The following NNMT variants were observed in gnomAD, a reference collection of about 807,000 sequenced individuals.
The protein encoded by NNMT is nicotinamide N-methyltransferase.
A neutral mutation model predicts 11.7 loss-of-function variants in NNMT; 10 were observed. That is an observed-to-expected ratio of 0.85 (90% CI 0.53 to 1.45). The LOEUF (loss-of-function observed/expected upper bound fraction) is 1.45. Among genes scored for constraint, NNMT ranks in the 40% most tolerant of loss-of-function variants. The pLI, the probability that NNMT is intolerant of heterozygous loss-of-function variation, is 0.00. For synonymous variants in NNMT, 143 were observed against 133.8 expected (o/e 1.07, Z -0.48); for missense variants, 381 against 319.4 (o/e 1.19, Z -1.47).
intron 2 of NNMT, among the ~76,000 whole-genome samples, chr11:114,275,324 A>G (rs753977063): frequency 6.6e-6 from 1 of 152,208 alleles, no homozygotes; most frequent in Non-Finnish European, 1.5e-5. Context: ...GATGTCCTCA[A>G]CAACATCTAC....
At chr11:114,282,609 G>A (rs532416625) in intron 2 of NNMT, among the ~76,000 whole-genome samples, 68 of 152,240 alleles carry the variant, frequency 4.5e-4, no homozygotes, top group Admixed American at 1.5e-3. Flanking sequence ...ATGGAATTCT[G>A]ACCCAAAGAA....
chr11:114,270,626 A>G (rs6589419), intron 2 of NNMT: 56,143 of 152,002 alleles, frequency 0.37, 12,793 homozygotes, highest in African/African-American at 0.65. Flanking sequence ...GTTAGTTTCT[A>G]GTGAGGTCTC....
intron 2 of NNMT, among the ~76,000 whole-genome samples, chr11:114,266,423 T>C (rs1288896047): frequency 6.6e-6 from 1 of 152,140 alleles, no homozygotes; most frequent in Non-Finnish European, 1.5e-5. Flanking sequence ...CTGACCGTCT[T>C]CTTCCACTCT....
At chr11:114,266,164 G>C (rs544715147) in intron 2 of NNMT, among the ~76,000 whole-genome samples, 6 of 152,058 alleles carry the variant, frequency 3.9e-5, no homozygotes, top group Non-Finnish European at 8.8e-5. Flanking sequence ...TCTCTTCATA[G>C]TAATATCTTG....
chr11:114,258,597 C>T (rs1459473639), intron 1 of NNMT, among the ~76,000 whole-genome samples: 1 of 152,252 alleles, frequency 6.6e-6, no homozygotes, highest in Non-Finnish European at 1.5e-5. Context: ...CTGTCACTTC[C>T]ATCCTCTGCT....
In NNMT at chr11:114,284,160, A is replaced by G. The variant is rs370173640; in HGVS notation, c.-129-12268A>G. Among the ~76,000 whole-genome samples the G allele has an allele frequency of 2.0e-4, 30 of 152,352 alleles. No homozygotes were observed. In the East Asian group the frequency reaches 2.9e-3, roughly 15 times the overall value. On this transcript the variant is annotated intron_variant, in intron 2 of 4. Transcript: ENST00000535401. ...GCCACTCAGGTTTTCAGCTTTTGCC[A>G]GCAGGATATTAGGGAGGCTCCACCC... is the stretch of plus-strand genomic sequence containing the variant.
chr11:114,274,655 G>A (rs1344309553), intron 2 of NNMT, among the ~76,000 whole-genome samples: 1 of 152,232 alleles, frequency 6.6e-6, no homozygotes, highest in Non-Finnish European at 1.5e-5. Flanking sequence ...AAGGAAGAGT[G>A]AGTTCTATAA....
chr11:114,293,090 A>T (rs1285659184), upstream of NNMT, among the ~76,000 whole-genome samples: 1 of 152,186 alleles, frequency 6.6e-6, no homozygotes, highest in Non-Finnish European at 1.5e-5. Flanking sequence ...CAGGATAACA[A>T]CTTACATCTT....
intron 2 of NNMT, among the ~76,000 whole-genome samples, chr11:114,307,845 C>T (rs186389692): frequency 1.2e-4 from 19 of 152,012 alleles, no homozygotes; most frequent in Admixed American, 1.2e-3. Flanking sequence ...TCTCTGCTTG[C>T]CCGACTCCTT....
chr11:114,294,768 A>T (rs1945360272), upstream of NNMT, among the ~76,000 whole-genome samples: 1 of 151,856 alleles, frequency 6.6e-6, no homozygotes, highest in Admixed American at 6.6e-5. Flanking sequence ...ATAAATAGCA[A>T]CCGAAAAAAA....
intron 2 of NNMT, among the ~76,000 whole-genome samples, chr11:114,281,001 C>G (rs772602268): frequency 1.3e-5 from 2 of 152,190 alleles, no homozygotes; most frequent in Non-Finnish European, 2.9e-5. Flanking sequence ...TGTTGCCTCA[C>G]CTCCACCACA....
upstream of NNMT, among the ~76,000 whole-genome samples, chr11:114,295,478 G>A (rs1197389509): frequency 1.0e-4 from 14 of 134,836 alleles, no homozygotes; most frequent in Admixed American, 1.1e-3. Context: ...AGGCTGGAGT[G>A]CAGTGGCGCC....
rs1161381685 is a variant in NNMT, at chr11:114,312,079, C to G, written c.397C>G (p.Gln133Glu). 1 of 1,591,990 alleles carries G rather than the reference C, an allele frequency of 6.3e-7. No individual in the cohort carries two copies. The highest frequency in any genetic ancestry group is 1.1e-5 in the South Asian group (1 of 88,976). ...KGPEKEEKLR[Q>E]AVKQVLKCDV... is the part of the protein sequence containing the mutation. ...TCCAGAGAAGGAGGAGAAGTTGAGACAGGCGGTCAAGCAGGTGCTGAAGTG... is the reference window on the plus strand; with the variant it reads ...TCCAGAGAAGGAGGAGAAGTTGAGAGAGGCGGTCAAGCAGGTGCTGAAGTG... Residue 133 changes from glutamine (Q) to glutamate (E), a missense_variant, in exon 3 of 3, where the codon CAG becomes GAG. Gln to Glu is a conservative substitution (Grantham distance 29, BLOSUM62 2). Transcript: ENST00000299964.
At chr11:114,303,012 A>G (rs1945452784) in intron 2 of NNMT, among the ~76,000 whole-genome samples, 1 of 152,112 alleles carries the variant, frequency 6.6e-6, no homozygotes, top group Non-Finnish European at 1.5e-5. Context: ...GTAGGAAATA[A>G]ATTTCTGTTG....
rs1359132180 is a variant in NNMT at position 114,296,707 on chromosome 11, C to G, written c.151C>G (p.Leu51Val). The G allele has an allele frequency of 6.2e-7, 1 of 1,614,084 alleles. No homozygotes were observed. Among genetic ancestry groups the G allele is most frequent in the Non-Finnish European group, 8.5e-7 (1 of 1,179,960 alleles). ...GAAAAATCTTTTCAAGATATTCTGC[C>G]TAGGTAAGTCTGTTGTCTGCATGTC... ...LLKNLFKIFCLDGVKGDLLID... is the reference protein window; with the variant it reads ...LLKNLFKIFCVDGVKGDLLID... Residue 51 changes from leucine to valine, a missense_variant, in exon 1 of 3, where the codon CTA (leucine) becomes GTA (valine). Coordinates refer to ENST00000299964, the MANE Select transcript of NNMT (RefSeq NM_006169.3).
chr11:114,287,804 T>C (rs1945309544), intron 2 of NNMT, among the ~76,000 whole-genome samples: 1 of 152,240 alleles, frequency 6.6e-6, no homozygotes, highest in Non-Finnish European at 1.5e-5. Flanking sequence ...GGGATTTTAC[T>C]GAGTCTATAA....
chr11:114,259,169 T>C (rs1050352729), intron 1 of NNMT, among the ~76,000 whole-genome samples: 9 of 152,088 alleles, frequency 5.9e-5, no homozygotes, highest in African/African-American at 9.7e-5. Flanking sequence ...ACCCGGTAAA[T>C]CTTTGTTGTA....
chr11:114,309,476 T>A (rs563592061), intron 2 of NNMT, among the ~76,000 whole-genome samples: 8 of 152,176 alleles, frequency 5.3e-5, no homozygotes, highest in African/African-American at 1.9e-4. Flanking sequence ...CTAGCCTTGA[T>A]AAAGGAGCAG....
intron 2 of NNMT, among the ~76,000 whole-genome samples, chr11:114,280,294 TGAGTACAA>T (rs1422079738): frequency 2.0e-5 from 3 of 152,048 alleles, no homozygotes; most frequent in Non-Finnish European, 4.4e-5. Context: ...GAGGGAGGGC[TGAGTACAA>T]GTGCCTGGGA....
Sources: gnomAD v4.1 joint callset for allele counts (sites outside exome capture counted in the v4.1 genomes callset) on GRCh38, gnomAD v4.1.1 for gene constraint, MANE v1.5 for transcripts, NCBI Gene and HGNC (gene_info 2026-07-23, HGNC 2026-07-21) for gene names.